The following PTPRD variants were observed in gnomAD, a reference collection of about 807,000 sequenced individuals.
PTPRD encodes the protein protein tyrosine phosphatase receptor type D.
Under a neutral mutation model 214.5 loss-of-function variants are expected in PTPRD, and 34 were observed. That is an observed-to-expected ratio of 0.16 (90% CI 0.12 to 0.21). The LOEUF (loss-of-function observed/expected upper bound fraction) is 0.21. Ranked by LOEUF, PTPRD falls within the 10% of genes least tolerant of loss-of-function variation. The pLI is 1.00. For missense variants in PTPRD, 2,545 were observed against 2,398.7 expected (o/e 1.06, Z -1.27); for synonymous variants, 1,128 against 845.7 (o/e 1.33, Z -5.79).
chr9:8,526,574 G>T, intron 17 of PTPRD, 53 bp downstream of exon 17: 1 of 1,458,454 alleles, frequency 6.9e-7, no homozygotes, highest in Non-Finnish European at 9.2e-7. Flanking sequence ...AGGGATGAAA[G>T]GACAGAAAGA....
chr9:9,582,256 G>A (rs1463588465), intron 7 of PTPRD, among the ~76,000 whole-genome samples: 7 of 152,204 alleles, frequency 4.6e-5, no homozygotes, highest in South Asian at 2.1e-4. Flanking sequence ...ACATGTAGAC[G>A]TTGGGTAAGC....
At chr9:8,548,654 C>T (rs1044871359) in intron 14 of PTPRD, among the ~76,000 whole-genome samples, 6 of 145,116 alleles carry the variant, frequency 4.1e-5, no homozygotes, top group Admixed American at 1.4e-4. Flanking sequence ...AGGTGTAAGC[C>T]ATTGCACCCA....
chr9:9,352,418 T>C (rs2051754287), intron 9 of PTPRD, among the ~76,000 whole-genome samples: 1 of 151,384 alleles, frequency 6.6e-6, no homozygotes, highest in African/African-American at 2.4e-5. Flanking sequence ...TGTTATGTTT[T>C]CCCAATAATC....
At position 10,592,127 on chromosome 9, in the gene PTPRD, C is replaced by G. The variant is rs575431792; in HGVS notation, c.-600+20271G>C. On this transcript the variant is annotated intron_variant, in intron 2 of 45. Transcript: ENST00000381196. ...CTAGTGATGAGTATTAAGACTGAAGCAAGCAAGAAAGTTATTTTGCCAAAA... is the reference window on the plus strand; with the variant it reads ...CTAGTGATGAGTATTAAGACTGAAGGAAGCAAGAAAGTTATTTTGCCAAAA... Among the ~76,000 whole-genome samples the G allele has an allele frequency of 3.4e-3, 518 of 152,128 alleles. 5 individuals are homozygous for G. Among genetic ancestry groups the G allele is most frequent in the African/African-American group, 0.012 (482 of 41,524 alleles).
chr9:9,966,230 T>G (rs2094689247), intron 4 of PTPRD, among the ~76,000 whole-genome samples: 1 of 152,176 alleles, frequency 6.6e-6, no homozygotes, highest in Non-Finnish European at 1.5e-5. Context: ...AGGAAAGATT[T>G]ATTCTCAACT....
At chr9:8,483,152 A>G (rs1391871713) in intron 30 of PTPRD, among the ~76,000 whole-genome samples, 1 of 152,178 alleles carries the variant, frequency 6.6e-6, no homozygotes, top group Non-Finnish European at 1.5e-5. Context: ...ATGTCCTTGG[A>G]CAAACTTATT....
At chr9:10,427,512 CG>C (rs1325778055) in intron 2 of PTPRD, among the ~76,000 whole-genome samples, 1 of 152,002 alleles carries the variant, frequency 6.6e-6, no homozygotes, top group East Asian at 1.9e-4. Flanking sequence ...GATGGCCCAT[CG>C]GCAGCTGACA....
chr9:8,801,281 T>G (rs2096565724), intron 11 of PTPRD, among the ~76,000 whole-genome samples: 1 of 152,226 alleles, frequency 6.6e-6, no homozygotes, highest in Admixed American at 6.5e-5. Flanking sequence ...TAAACTTCCC[T>G]TTGTCTCATA....
chr9:10,466,460 C>A (rs1482846732), intron 2 of PTPRD, among the ~76,000 whole-genome samples: 2 of 151,656 alleles, frequency 1.3e-5, no homozygotes, highest in Non-Finnish European at 2.9e-5. Flanking sequence ...CCTGTTTCTA[C>A]TAAAAATACA....
At chr9:8,743,089 G>A (rs1286441545) in intron 11 of PTPRD, among the ~76,000 whole-genome samples, 2 of 128,700 alleles carry the variant, frequency 1.6e-5, no homozygotes, top group Non-Finnish European at 3.3e-5. Context: ...TTGGCACAGA[G>A]GAAAAATTCC....
chr9:10,336,040 C>A (rs562876872), intron 3 of PTPRD, among the ~76,000 whole-genome samples: 1 of 151,704 alleles, frequency 6.6e-6, no homozygotes, highest in Non-Finnish European at 1.5e-5. Context: ...CAGTTTCTTA[C>A]AAAACTAAAC....
chr9:10,322,143 T>C (rs192843503), intron 3 of PTPRD, among the ~76,000 whole-genome samples: 212 of 152,112 alleles, frequency 1.4e-3, no homozygotes, highest in African/African-American at 5.0e-3. Flanking sequence ...CATTAAATAT[T>C]TGATCAGCTT....
intron 5 of PTPRD, among the ~76,000 whole-genome samples, chr9:9,885,034 A>G (rs967779850): frequency 1.3e-5 from 2 of 152,106 alleles, no homozygotes; most frequent in Non-Finnish European, 1.5e-5. Flanking sequence ...GAAAGGAGAC[A>G]TTTATAGTGG....
chr9:8,816,084 A>G (rs1693233265), intron 11 of PTPRD, among the ~76,000 whole-genome samples: 1 of 152,224 alleles, frequency 6.6e-6, no homozygotes, highest in Non-Finnish European at 1.5e-5. Context: ...ATTTTAAATG[A>G]AACCCCTGCT....
intron 9 of PTPRD, among the ~76,000 whole-genome samples, chr9:9,211,746 T>A (rs1346992516): frequency 6.6e-6 from 1 of 152,214 alleles, no homozygotes; most frequent in East Asian, 1.9e-4. Flanking sequence ...GGCTCTTTGT[T>A]GTGCTTTGCA....
chr9:8,799,433 A>G (rs543284575), intron 11 of PTPRD, among the ~76,000 whole-genome samples: 3 of 152,348 alleles, frequency 2.0e-5, no homozygotes, highest in African/African-American at 4.8e-5. Context: ...GGAATTGTCC[A>G]GTTTGGAAGA....
chr9:9,496,350 C>A (rs539822527), intron 8 of PTPRD, among the ~76,000 whole-genome samples: 3 of 151,898 alleles, frequency 2.0e-5, no homozygotes. Flanking sequence ...AATCAGATAT[C>A]CAGAATCTAT....
At chr9:9,266,850 GAA>G (rs111898017) in intron 9 of PTPRD, among the ~76,000 whole-genome samples, 1 of 146,312 alleles carries the variant, frequency 6.8e-6, no homozygotes, top group African/African-American at 2.5e-5. Flanking sequence ...CCTAAATGGA[GAA>G]AAAAAAAATC....
chr9:8,428,119 A>G (rs1211158135), intron 35 of PTPRD, among the ~76,000 whole-genome samples: 1 of 152,040 alleles, frequency 6.6e-6, no homozygotes, highest in African/African-American at 2.4e-5. Flanking sequence ...CAAACTGGTG[A>G]CCTGAGCCAA....
Sources: gnomAD v4.1 joint callset for allele counts (sites outside exome capture counted in the v4.1 genomes callset) on GRCh38, gnomAD v4.1.1 for gene constraint, MANE v1.5 for transcripts, NCBI Gene and HGNC (gene_info 2026-07-23, HGNC 2026-07-21) for gene names.